The following DBI variants were observed in gnomAD, a reference collection of about 807,000 sequenced individuals.
DBI encodes acyl-CoA-binding protein.
DBI carries 12 observed loss-of-function variants against 13.0 expected under a neutral mutation model. The observed-to-expected ratio is 0.92, with a 90% CI of 0.59 to 1.49. DBI has a LOEUF of 1.49. DBI is among the 40% of genes most tolerant of loss of function. DBI has a pLI of 0.00. For missense variants in DBI, 95 were observed against 104.8 expected (o/e 0.91, Z 0.41); for synonymous variants, 37 against 37.4 (o/e 0.99, Z 0.04).
At chr2:119,369,429 A>T (rs1681353377) in intron 2 of DBI, among the ~76,000 whole-genome samples, 1 of 152,216 alleles carries the variant, frequency 6.6e-6, no homozygotes, top group Admixed American at 6.5e-5. Flanking sequence ...TTACACGATT[A>T]TAAAACATGA....
intron 1 of DBI, 184 bp from the exon 2 acceptor site, chr2:119,368,004 A>C (rs891967202): frequency 9.3e-6 from 15 of 1,606,868 alleles, no homozygotes; most frequent in Admixed American, 6.7e-5. Flanking sequence ...GTGTTGCTGA[A>C]TCTTTCTAGC....
At chr2:119,367,532 AC>A in intron 1 of DBI, 1 of 1,605,992 alleles carries the variant, frequency 6.2e-7, no homozygotes, top group Non-Finnish European at 8.5e-7. Context: ...GGGAGAGGTG[AC>A]CCAGGGGCCC....
intron 1 of DBI, chr2:119,367,865 CCCACT>C: frequency 6.2e-7 from 1 of 1,614,054 alleles, no homozygotes; most frequent in East Asian, 2.2e-5. Flanking sequence ...AGAGGGGACC[CCCACT>C]GGGGGCGAAG....
chr2:119,367,442 G>A (rs1189808353), intron 1 of DBI: 1 of 1,552,442 alleles, frequency 6.4e-7, no homozygotes, highest in Admixed American at 1.9e-5. Context: ...GAAGCGAGGA[G>A]TCCGTGGCCG....
At position 119,367,801 on chromosome 2, in the gene DBI, C is replaced by T. The variant is rs1443882384; in HGVS notation, c.10-387C>T. 4.3e-6 allele frequency: 7 copies of T among 1,611,726 alleles called. No homozygotes were observed. The Admixed American group carries it at 1.0e-4, about 23-fold the overall frequency. ...GGGCTTCGCTGCAGCCCCGGCCACT[C>T]CCTAGTGCCTGGCCCGGTGGTGGCC... On this transcript the variant is annotated intron_variant, in intron 1 of 3. Coordinates refer to ENST00000355857, the MANE Select transcript of DBI (RefSeq NM_001079862.4).
Position 119,372,469 on chromosome 2 carries a change from G to T in DBI, c.*151G>T, listed in dbSNP as rs1187983780. 6 of 552,400 alleles carry T rather than the reference G, an allele frequency of 1.1e-5. No homozygotes were observed. In the Admixed American group the frequency reaches 1.3e-4, roughly 12 times the overall value. The allele number at this position is 552,400 out of a possible 1,614,324, so 34.2% of individuals were successfully genotyped here. A position where few individuals can be genotyped will look rare whatever the true frequency, so the allele number is the denominator to read the frequency against. Reference sequence around the variant, plus strand: ...TCACCATACGGCTCTAACAGATTAGGGGCTAAAACGATTACTGACTTTCCT... The same window carrying T: ...TCACCATACGGCTCTAACAGATTAGTGGCTAAAACGATTACTGACTTTCCT... On this transcript the variant is annotated 3_prime_UTR_variant, in exon 4 of 4. Transcript: ENST00000355857.
chr2:119,367,702 T>A, intron 1 of DBI: 1 of 1,611,652 alleles, frequency 6.2e-7, no homozygotes. Context: ...GCTCCGGCGC[T>A]GACACCGCGG....
At chr2:119,367,708 C>T (rs1044647573) in intron 1 of DBI, 40 of 1,611,162 alleles carry the variant, frequency 2.5e-5, no homozygotes, top group Non-Finnish European at 3.2e-5. Flanking sequence ...GCGCTGACAC[C>T]GCGGCACTCA....
rs181821787 is a variant in DBI, at chr2:119,368,215, G to A, written c.37G>A (p.Val13Ile). The A allele has an allele frequency of 1.8e-5, 29 of 1,613,758 alleles. No individual in the cohort carries two copies. In the African/African-American group the frequency reaches 3.2e-4, roughly 18 times the overall value. ...QAEFEKAAEE[V>I]RHLKTKPSDE... ...TGAGTTTGAGAAAGCTGCAGAGGAG[G>A]TTAGGCACCTTAAGACCAAGCCATC... is the stretch of plus-strand genomic sequence containing the variant. The change falls in exon 2 of 4, where the codon GTT becomes ATT. Residue 13 changes from valine (V) to isoleucine (I), a missense_variant. Val to Ile is a conservative substitution (Grantham distance 29). Transcript: ENST00000355857.
intron 2 of DBI, 121 bp from the exon 3 acceptor site, chr2:119,370,619 C>A: frequency 1.2e-6 from 1 of 862,966 alleles, no homozygotes; most frequent in Non-Finnish European, 1.8e-6. Context: ...ACCTATTTAA[C>A]CCCATGACAG....
Position 119,369,039 on chromosome 2 carries a change from G to A in DBI, c.127+734G>A, listed in dbSNP as rs1681314167. ...TCCCTATTTCCGCAGTAGCTGGGGT[G>A]GAAGATGGAGCAGGTGGGCTGGCTG... On this transcript the variant is annotated intron_variant, in intron 2 of 3. Transcript: ENST00000355857. Among the ~76,000 whole-genome samples, 3 of 152,194 alleles carry A rather than the reference G, an allele frequency of 2.0e-5. No homozygotes were observed. The South Asian group carries it at 6.2e-4, about 31-fold the overall frequency.
intron 1 of DBI, chr2:119,367,743 C>A (rs1681150417): frequency 6.2e-7 from 1 of 1,607,246 alleles, no homozygotes; most frequent in African/African-American, 1.3e-5. Flanking sequence ...TCAGCTGTTT[C>A]CAGCATACTG....
At chr2:119,367,915 A>G in intron 1 of DBI, 2 of 1,614,088 alleles carry the variant, frequency 1.2e-6, no homozygotes, top group Non-Finnish European at 1.7e-6. Context: ...GTATTTCCAG[A>G]CCTGATGCCT....
intron 1 of DBI, chr2:119,367,288 G>A (rs1232674847): frequency 1.4e-6 from 2 of 1,437,314 alleles, no homozygotes; most frequent in Non-Finnish European, 1.8e-6. Flanking sequence ...TTGCCCATGG[G>A]GTGGACTTCG....
intron 1 of DBI, chr2:119,367,547 C>T: frequency 1.9e-6 from 3 of 1,611,238 alleles, no homozygotes; most frequent in South Asian, 2.2e-5. Context: ...GGGGCCCCTC[C>T]CTTCTCTCCA....
At chr2:119,367,524 G>T (rs779241227) in intron 1 of DBI, 2 of 1,605,126 alleles carry the variant, frequency 1.2e-6, no homozygotes, top group South Asian at 2.2e-5. Context: ...GCGGCCCGGG[G>T]AGAGGTGACC....
intron 3 of DBI, among the ~76,000 whole-genome samples, chr2:119,371,405 C>T (rs533309476): frequency 8.5e-5 from 13 of 152,318 alleles, no homozygotes; most frequent in African/African-American, 3.1e-4. Flanking sequence ...TGGCTAGTTT[C>T]TGAATAAGCC....
At chr2:119,367,524 G>C in intron 1 of DBI, 5 of 1,605,126 alleles carry the variant, frequency 3.1e-6, no homozygotes, top group Non-Finnish European at 4.3e-6. Context: ...GCGGCCCGGG[G>C]AGAGGTGACC....
chr2:119,372,371 C>G lies in DBI; in HGVS notation c.*53C>G, dbSNP rs1681584105. 1 of 1,405,214 alleles carries G rather than the reference C, an allele frequency of 7.1e-7. No individual in the cohort carries two copies. 87.0% of individuals were successfully genotyped at this position (1,405,214 alleles called of 1,614,324 possible). A position where few individuals can be genotyped will look rare whatever the true frequency, so the allele number is the denominator to read the frequency against. ...TGTTTATCCTAAACTGAGACAATGC[C>G]TTGTTTTTTTCTAATACCGTGGATG... On this transcript the variant is annotated 3_prime_UTR_variant, in exon 4 of 4. Coordinates refer to ENST00000355857, the MANE Select transcript of DBI (RefSeq NM_001079862.4).
Sources: allele counts gnomAD v4.1 joint callset (sites outside exome capture counted in the v4.1 genomes callset), GRCh38; gene constraint gnomAD v4.1.1; transcripts MANE v1.5; gene names NCBI Gene and HGNC (gene_info 2026-07-23, HGNC 2026-07-21).